The following SYNPO variants were observed in gnomAD, a reference collection of about 807,000 sequenced individuals.
The protein encoded by SYNPO is synaptopodin.
In SYNPO, 19 loss-of-function variants were observed where a neutral mutation model predicts 49.5. The observed-to-expected ratio is 0.38, with a 90% CI of 0.27 to 0.56. The LOEUF (loss-of-function observed/expected upper bound fraction) is 0.56, where lower values mean the gene tolerates loss of function less well. Ranked by LOEUF, SYNPO falls within the 20% of genes least tolerant of loss-of-function variation. SYNPO has a pLI of 0.68. For missense variants in SYNPO, 1,131 were observed against 1,248.3 expected, an observed-to-expected ratio of 0.91 and a Z score of 1.42; for synonymous variants, 536 against 548.0, an observed-to-expected ratio of 0.98 and a Z score of 0.31.
At chr5:150,643,606 C>T (rs1295479989) in intron 1 of SYNPO, among the ~76,000 whole-genome samples, 1 of 152,164 alleles carries the variant, frequency 6.6e-6, no homozygotes. Flanking sequence ...GTGATCTCGG[C>T]TCACCGCAAC....
chr5:150,591,509 C>G, the SYNPO span, among the ~76,000 whole-genome samples: 1 of 152,248 alleles, frequency 6.6e-6, no homozygotes, highest in African/African-American at 2.4e-5. Flanking sequence ...GCAGAAGCGC[C>G]GTCTCAGATA....
chr5:150,618,784 T>C, intron 2 of SYNPO: 1 of 1,550,944 alleles, frequency 6.4e-7, no homozygotes, highest in Non-Finnish European at 8.7e-7. Context: ...TTGTGTTCCT[T>C]TTCCCTTGGA....
In SYNPO at chr5:150,625,016, T is replaced by C. The variant is rs192092175; in HGVS notation, c.400+6249T>C. 9.4e-5 allele frequency: 91 copies of C among 969,392 alleles called. No homozygotes were observed. The Middle Eastern group carries it at 2.1e-3, about 23-fold the overall frequency. The allele number at this position is 969,392 out of a possible 1,614,324, so 60.0% of individuals were successfully genotyped here. ...CCAGGAGGAGGTGGCACATCTGGGC[T>C]CCAGTCCTCGCACGCGGGGTGACCT... is the stretch of plus-strand genomic sequence containing the variant. On this transcript the variant is annotated intron_variant, in intron 2 of 2. Coordinates refer to the SYNPO transcript ENST00000394243.
chr5:150,587,675 T>C, the SYNPO span, among the ~76,000 whole-genome samples: 3 of 152,208 alleles, frequency 2.0e-5, no homozygotes, highest in African/African-American at 7.2e-5. Context: ...AATTAAGAGC[T>C]CAGTTCCCTC....
intron 1 of SYNPO, among the ~76,000 whole-genome samples, chr5:150,614,265 T>C (rs1756926560): frequency 6.6e-6 from 1 of 152,194 alleles, no homozygotes; most frequent in African/African-American, 2.4e-5. Context: ...AACCCAGACC[T>C]GATGCCAAAG....
chr5:150,632,591 CCT>C (rs1757577362), intron 2 of SYNPO, among the ~76,000 whole-genome samples: 1 of 152,148 alleles, frequency 6.6e-6, no homozygotes, highest in Non-Finnish European at 1.5e-5. Context: ...CTGCTCACCC[CCT>C]GAGAGCTTCT....
exon 2 of SYNPO, chr5:150,618,441 T>C: frequency 3.9e-6 from 6 of 1,551,554 alleles, no homozygotes; most frequent in Non-Finnish European, 5.2e-6. Flanking sequence ...GCCTTCCAGA[T>C]CCCTGATGGA....
chr5:150,656,060 A>G (rs1411618743), intron 2 of SYNPO, among the ~76,000 whole-genome samples: 1 of 152,210 alleles, frequency 6.6e-6, no homozygotes, highest in Non-Finnish European at 1.5e-5. Flanking sequence ...AACCCTCACA[A>G]CAACCCTATA....
chr5:150,650,463 G>A (rs1382031391), intron 2 of SYNPO, 160 bp downstream of exon 2: 5 of 1,519,538 alleles, frequency 3.3e-6, no homozygotes, highest in South Asian at 2.5e-5. Flanking sequence ...GGTCAGATGC[G>A]GCCACCAGCT....
intron 1 of SYNPO, among the ~76,000 whole-genome samples, chr5:150,646,742 C>G (rs889773716): frequency 2.8e-5 from 4 of 141,838 alleles, no homozygotes; most frequent in African/African-American, 1.3e-4. Flanking sequence ...TAAATAAATA[C>G]AAATTAAAAA....
At chr5:150,596,610 T>A (rs190208314), upstream of SYNPO, among the ~76,000 whole-genome samples, 66 of 152,188 alleles carry the variant, frequency 4.3e-4, no homozygotes, top group African/African-American at 1.5e-3. Flanking sequence ...GGACGGCTCA[T>A]GTGTCAGAGG....
In SYNPO at chr5:150,609,786, CG is replaced by C. The variant is rs71589719; in HGVS notation, c.-265-8308del. Among the ~76,000 whole-genome samples, 96 of 105,416 alleles carry C rather than the reference CG, an allele frequency of 9.1e-4. 2 individuals are homozygous for C. The highest frequency in any genetic ancestry group is 2.4e-3 in the African/African-American group (64 of 26,906). The allele number at this position is 105,416 out of a possible 152,430, so 69.2% of individuals were successfully genotyped here. A position where few individuals can be genotyped will look rare whatever the true frequency, so the allele number is the denominator to read the frequency against. Reference sequence around the variant, plus strand: ...GGGTGAGGGGGCACTGTGAATGTGGCGGGGGGGGGCAGTGTGGAGCAGTCTC... The same window carrying C: ...GGGTGAGGGGGCACTGTGAATGTGGCGGGGGGGGCAGTGTGGAGCAGTCTC... On this transcript the variant is annotated intron_variant, in intron 1 of 2. Transcript: ENST00000394243.
At chr5:150,628,020 CTGTGTGTGTGTGTTTCTGTG>C (rs1414415114) in intron 2 of SYNPO, among the ~76,000 whole-genome samples, 22 of 142,212 alleles carry the variant, frequency 1.5e-4, no homozygotes, top group African/African-American at 5.7e-4. Flanking sequence ...GTGTGTGTTT[CTGTGTGTGTGTGTTTCTGTG>C]TGTGTGTGTG....
chr5:150,595,330 T>A, the SYNPO span, among the ~76,000 whole-genome samples: 1 of 152,274 alleles, frequency 6.6e-6, no homozygotes, highest in Non-Finnish European at 1.5e-5. Flanking sequence ...ATGCTAATGC[T>A]GGAAGGATCT....
At position 150,652,569 on chromosome 5, in the gene SYNPO, T is replaced by C. The variant is rs147687898; in HGVS notation, c.2028+2266T>C. The C allele has an allele frequency of 1.1e-3, 280 of 262,828 alleles. 2 individuals carry two copies. The highest frequency in any genetic ancestry group is 6.1e-3 in the African/African-American group (267 of 43,526). The allele number at this position is 262,828 out of a possible 1,614,324, so 16.3% of individuals were successfully genotyped here. On this transcript the variant is annotated intron_variant, in intron 2 of 2. Coordinates refer to ENST00000307662, the MANE Select transcript of SYNPO (RefSeq NM_007286.6). ...TACAGCACTCAGGGAGCCAGAACCCTGTGCAAATCGCAACCTTTTGTTCTT... is the reference window on the plus strand; with the variant it reads ...TACAGCACTCAGGGAGCCAGAACCCCGTGCAAATCGCAACCTTTTGTTCTT...
At chr5:150,623,162 CAT>C (rs1757234816) in intron 2 of SYNPO, among the ~76,000 whole-genome samples, 1 of 152,162 alleles carries the variant, frequency 6.6e-6, no homozygotes. Flanking sequence ...CACAAACACA[CAT>C]ATTCCCTCTC....
chr5:150,642,198 G>A (rs924221959), intron 1 of SYNPO, among the ~76,000 whole-genome samples: 3 of 152,258 alleles, frequency 2.0e-5, no homozygotes, highest in African/African-American at 7.2e-5. Flanking sequence ...TCGTTGCAAA[G>A]CCCCTTCTCA....
Position 150,629,686 on chromosome 5 carries a change from G to C in SYNPO, c.400+10919G>C, listed in dbSNP as rs77449199. On this transcript the variant is annotated intron_variant, in intron 2 of 2. Coordinates refer to the SYNPO transcript ENST00000394243. ...TCTTAGAGTCTAAGAGTGCTTGAAA[G>C]ATAAAAGCCACAGTTCTTGAAAAAT... is the stretch of plus-strand genomic sequence containing the variant. Among the ~76,000 whole-genome samples, 31 of 152,294 alleles carry C rather than the reference G, an allele frequency of 2.0e-4. 2 individuals carry two copies. The East Asian group carries it at 6.0e-3, about 29-fold the overall frequency.
chr5:150,602,312 C>A (rs1204728187), intron 1 of SYNPO, among the ~76,000 whole-genome samples: 1 of 152,194 alleles, frequency 6.6e-6, no homozygotes, highest in African/African-American at 2.4e-5. Flanking sequence ...GTTTCCCTAT[C>A]CCCACAATGG....
Sources: gnomAD v4.1 joint callset for allele counts (sites outside exome capture counted in the v4.1 genomes callset) on GRCh38, gnomAD v4.1.1 for gene constraint, MANE v1.5 for transcripts, NCBI Gene and HGNC (gene_info 2026-07-23, HGNC 2026-07-21) for gene names.